Variants in EXOC4 observed in about 807,000 individuals in gnomAD.
EXOC4 encodes the protein exocyst complex component 4, also known as SEC8-like 1.
Under a neutral mutation model 107.2 loss-of-function variants are expected in EXOC4, and 71 were observed. That is an observed-to-expected ratio of 0.66 (90% CI 0.55 to 0.81). EXOC4 has a LOEUF of 0.81. Ranked by LOEUF, EXOC4 falls within the 30% of genes least tolerant of loss-of-function variation. The probability of loss-of-function intolerance (pLI) is 0.00; values close to 1 mark genes in which losing one functional copy is unlikely to be tolerated. For missense variants in EXOC4, 1,108 were observed against 1,189.6 expected, an observed-to-expected ratio of 0.93 and a Z score of 1.01; for synonymous variants, 456 against 441.2, an observed-to-expected ratio of 1.03 and a Z score of -0.42.
chr7:133,618,654 C>A (rs1158942083), intron 9 of EXOC4, among the ~76,000 whole-genome samples: 1 of 152,006 alleles, frequency 6.6e-6, no homozygotes, highest in East Asian at 1.9e-4. Flanking sequence ...AACACTTAAC[C>A]TTTTTTCTAT....
At chr7:133,438,781 G>A (rs1437435463) in intron 7 of EXOC4, among the ~76,000 whole-genome samples, 1 of 152,130 alleles carries the variant, frequency 6.6e-6, no homozygotes, top group Non-Finnish European at 1.5e-5. Flanking sequence ...CACTGTGTTG[G>A]GCACTCAGAA....
intron 5 of EXOC4, among the ~76,000 whole-genome samples, chr7:133,326,182 T>G (rs1353910183): frequency 1.3e-5 from 2 of 152,214 alleles, no homozygotes; most frequent in African/African-American, 4.8e-5. Context: ...TCAGAGAAGT[T>G]TGATCGTCTG....
chr7:134,071,563 C>G (rs995552033), downstream of EXOC4, among the ~76,000 whole-genome samples: 1 of 152,152 alleles, frequency 6.6e-6, no homozygotes, highest in Admixed American at 6.5e-5. Flanking sequence ...TTCATAACTT[C>G]TTTTTCTTTG....
At chr7:133,939,971 A>T (rs1427573519) in intron 14 of EXOC4, among the ~76,000 whole-genome samples, 3 of 152,318 alleles carry the variant, frequency 2.0e-5, no homozygotes, top group Admixed American at 6.5e-5. Flanking sequence ...GAGCAGCTCT[A>T]AAAAAGGGGC....
At chr7:133,302,395 C>G (rs1264597054) in intron 3 of EXOC4, among the ~76,000 whole-genome samples, 1 of 152,146 alleles carries the variant, frequency 6.6e-6, no homozygotes, top group Non-Finnish European at 1.5e-5. Context: ...AAAAAATTCA[C>G]TGGTAGTCAT....
chr7:133,792,106 A>T (rs956533875), intron 10 of EXOC4, among the ~76,000 whole-genome samples: 18 of 152,056 alleles, frequency 1.2e-4, no homozygotes, highest in Admixed American at 5.9e-4. Context: ...TACTCGTGGC[A>T]TCGGGCAGTT....
intron 10 of EXOC4, among the ~76,000 whole-genome samples, chr7:133,682,047 C>A (rs533876871): frequency 6.6e-6 from 1 of 151,946 alleles, no homozygotes; most frequent in African/African-American, 2.4e-5. Flanking sequence ...ACCACAGGCA[C>A]GTATAACCAT....
chr7:133,463,877 CACTT>C (rs1341028566), intron 7 of EXOC4, among the ~76,000 whole-genome samples: 3 of 152,098 alleles, frequency 2.0e-5, no homozygotes, highest in African/African-American at 4.8e-5. Context: ...TTCATTCACT[CACTT>C]ACACTTATAA....
At chr7:133,821,772 G>T (rs921645232) in intron 11 of EXOC4, among the ~76,000 whole-genome samples, 1 of 152,130 alleles carries the variant, frequency 6.6e-6, no homozygotes, top group Non-Finnish European at 1.5e-5. Context: ...AGATAGAAAA[G>T]TGCAGATATG....
In EXOC4 at chr7:133,439,458, C is replaced by T. The variant is rs577754166; in HGVS notation, c.1183-35870C>T. On this transcript the variant is annotated intron_variant, in intron 7 of 17. Transcript: ENST00000253861. Reference sequence around the variant, plus strand: ...TCAGCCTCCCAAAGTGCTGGGGCTACAGGTGTGAGCCACCGCACCCAGCCC... The same window carrying T: ...TCAGCCTCCCAAAGTGCTGGGGCTATAGGTGTGAGCCACCGCACCCAGCCC... 1.8e-4 allele frequency among the ~76,000 whole-genome samples: 27 copies of T among 152,196 alleles called. No homozygotes were observed. In the East Asian group the frequency reaches 5.0e-3, roughly 28 times the overall value.
rs564208338 is a variant in EXOC4 at position 133,337,628 on chromosome 7, C to G, written c.764-18702C>G. 1.5e-3 allele frequency among the ~76,000 whole-genome samples: 196 copies of G among 133,434 alleles called. 2 individuals carry two copies. Among genetic ancestry groups the G allele is most frequent in the Middle Eastern group, 7.7e-3 (2 of 260 alleles). The allele number at this position is 133,434 out of a possible 152,430, so 87.5% of individuals were successfully genotyped here. ...GTCATTTCTTATTTTATTTTCCTTC[C>G]TTCCTTCCCTTTTTTTTTTTTTTTT... On this transcript the variant is annotated intron_variant, in intron 5 of 17. Transcript: ENST00000253861.
At chr7:133,980,382 C>T (rs146464706) in intron 14 of EXOC4, among the ~76,000 whole-genome samples, 1 of 152,180 alleles carries the variant, frequency 6.6e-6, no homozygotes, top group African/African-American at 2.4e-5. Flanking sequence ...TACTGTGTGC[C>T]GAAGGTTGTT....
intron 10 of EXOC4, among the ~76,000 whole-genome samples, chr7:133,685,040 A>G (rs772966054): frequency 2.6e-5 from 4 of 152,222 alleles, no homozygotes; most frequent in Non-Finnish European, 4.4e-5. Flanking sequence ...TTTGCCTTCA[A>G]TTTAGGCCTT....
In EXOC4 at chr7:133,767,647, A is replaced by G. The variant is rs531869201; in HGVS notation, c.1515-49678A>G. Among the ~76,000 whole-genome samples the G allele has an allele frequency of 7.9e-5, 12 of 152,144 alleles. No homozygotes were observed. In the East Asian group the frequency reaches 2.3e-3, roughly 29 times the overall value. On this transcript the variant is annotated intron_variant, in intron 10 of 17. Transcript: ENST00000253861. ...TTCAACTGCAATCTTACATGAAAAC[A>G]TATGAAACTTATGTGAAACAGAGAA...
At chr7:133,983,247 A>T (rs1164149124) in intron 14 of EXOC4, among the ~76,000 whole-genome samples, 1 of 152,118 alleles carries the variant, frequency 6.6e-6, no homozygotes, top group Non-Finnish European at 1.5e-5. Flanking sequence ...AACACCTCCC[A>T]CTAGGCCCCA....
At chr7:134,087,859 CA>C in the EXOC4 span, among the ~76,000 whole-genome samples, 1 of 152,166 alleles carries the variant, frequency 6.6e-6, no homozygotes. Flanking sequence ...TGATTTGTTT[CA>C]TTTTACTTGG....
At position 134,064,429 on chromosome 7, in the gene EXOC4, G is replaced by A. The variant is rs1469430978; in HGVS notation, c.2826G>A (p.Leu942=). ...GCAGCCAGACTGGGGTGGGGGAACT[G>A]ACCACCCAGAACACGAGGCTGCAGA... ...LHRSQTGVGE[L]TTQNTRLQRL... is the part of the protein sequence containing the mutation. The change falls in exon 18 of 18, where the codon CTG becomes CTA. Residue 942 remains leucine, a synonymous_variant. Transcript: ENST00000253861. The A allele has an allele frequency of 6.2e-7, 1 of 1,608,706 alleles. No homozygotes were observed. Among genetic ancestry groups the A allele is most frequent in the African/African-American group, 1.3e-5 (1 of 74,736 alleles).
chr7:133,957,681 G>T (rs1046741979), intron 14 of EXOC4, among the ~76,000 whole-genome samples: 5 of 152,046 alleles, frequency 3.3e-5, no homozygotes, highest in African/African-American at 4.8e-5. Flanking sequence ...ACAACAAAAG[G>T]CTTCATTATC....
At chr7:133,527,693 T>C (rs899569255) in intron 9 of EXOC4, among the ~76,000 whole-genome samples, 5 of 152,276 alleles carry the variant, frequency 3.3e-5, no homozygotes, top group African/African-American at 4.8e-5. Context: ...CATTTTGTGA[T>C]GCATAGAAAA....
Sources: allele counts gnomAD v4.1 joint callset (sites outside exome capture counted in the v4.1 genomes callset), GRCh38; gene constraint gnomAD v4.1.1; transcripts MANE v1.5; gene names NCBI Gene and HGNC (gene_info 2026-07-23, HGNC 2026-07-21).